Variants in CMTM3 observed in about 807,000 individuals in gnomAD.
The protein encoded by CMTM3 is CKLF-like MARVEL transmembrane domain-containing protein 3.
CMTM3 carries 7 observed loss-of-function variants against 18.2 expected under a neutral mutation model. The observed-to-expected ratio is 0.38, with a 90% CI of 0.22 to 0.72. CMTM3 has a LOEUF of 0.72. CMTM3 is among the 30% of genes least tolerant of loss of function. CMTM3 has a pLI of 0.46. For missense variants in CMTM3, 227 were observed against 249.2 expected (o/e 0.91, Z 0.60); for synonymous variants, 109 against 111.2 (o/e 0.98, Z 0.12).
In CMTM3 at chr16:66,609,900, T is replaced by C; in HGVS notation, c.417T>C (p.Ala139=). 1.9e-6 allele frequency: 3 copies of C among 1,614,184 alleles called. No homozygotes were observed. The highest frequency in any genetic ancestry group is 1.7e-6 in the Non-Finnish European group (2 of 1,180,028). The part of the protein sequence containing the change: ...SKAAGVFGFF[A]TIVFATDFYL... ...GTCCACAGGTGTTTGGCTTCTTTGC[T>C]ACCATCGTGTTTGCAACTGATTTCT... The change falls in exon 4 of 5, where the codon GCT becomes GCC. Residue 139 remains alanine, a synonymous_variant. Coordinates refer to ENST00000567572, the MANE Select transcript of CMTM3 (RefSeq NM_181553.4). The surrounding 1 kb of genome is among the most constrained non-coding windows in gnomAD (Gnocchi z 4.4).
Position 66,609,399 on chromosome 16 carries a change from C to T in CMTM3, c.304-36C>T. The T allele has an allele frequency of 3.2e-6, 5 of 1,586,480 alleles. No homozygotes were observed. The highest frequency in any genetic ancestry group is 4.3e-6 in the Non-Finnish European group (5 of 1,160,948). On this transcript the variant is annotated intron_variant, in intron 2 of 4. Transcript: ENST00000567572. The surrounding 1 kb of genome is among the most constrained non-coding windows in gnomAD (Gnocchi z 4.4). ...CCTCCTCCCCATGCTGTGCTCAGCT[C>T]CAGGGGCTCAGGGCAGCATGCCCCT...
intron 1 of CMTM3, among the ~76,000 whole-genome samples, chr16:66,607,438 T>C (rs954794233): frequency 6.6e-6 from 1 of 152,248 alleles, no homozygotes; most frequent in Non-Finnish European, 1.5e-5. Context: ...TTATGAAAAT[T>C]TGCAAATACA....
At position 66,613,380 on chromosome 16, in the gene CMTM3, G is replaced by T; in HGVS notation, c.*743G>T. 1 of 459,074 alleles carries T rather than the reference G, an allele frequency of 2.2e-6. No homozygotes were observed. Among genetic ancestry groups the T allele is most frequent in the Non-Finnish European group, 3.9e-6 (1 of 254,368 alleles). 28.4% of individuals were successfully genotyped at this position (459,074 alleles called of 1,614,324 possible). ...GGCATCACAGTGACAGTGTCATGGG[G>T]AGCTGGGCGGGCCCAGCCAAACCCT... On this transcript the variant is annotated 3_prime_UTR_variant, in exon 5 of 5. Transcript: ENST00000567572.
At position 66,613,125 on chromosome 16, in the gene CMTM3, C is replaced by T. The variant is rs1027804555; in HGVS notation, c.*488C>T. The T allele has an allele frequency of 1.4e-5, 10 of 702,902 alleles. 1 individual carries two copies. Among genetic ancestry groups the T allele is most frequent in the South Asian group, 1.3e-4 (9 of 67,594 alleles). The allele number at this position is 702,902 out of a possible 1,614,324, so 43.5% of individuals were successfully genotyped here. On this transcript the variant is annotated 3_prime_UTR_variant, in exon 5 of 5. Transcript: ENST00000567572. ...CACCAGCCACTTTGGTGACAATGAC[C>T]CTTCCAAGAATCTTTGGTTCAAGGA...
chr16:66,607,319 T>A (rs572707712), intron 1 of CMTM3, among the ~76,000 whole-genome samples: 238 of 152,342 alleles, frequency 1.6e-3, no homozygotes, highest in Middle Eastern at 6.8e-3. Context: ...ATTCTTGTAG[T>A]TCAAGTACAG....
Position 66,609,465 on chromosome 16 carries a change from A to G in CMTM3, c.334A>G (p.Ile112Val). 6.2e-7 allele frequency: 1 copy of G among 1,613,056 alleles called. No homozygotes were observed. Among genetic ancestry groups the G allele is most frequent in the Non-Finnish European group, 8.5e-7 (1 of 1,179,644 alleles). Residue 112 changes from isoleucine (I) to valine (V), a missense_variant, in exon 3 of 5, where the codon ATC becomes GTC. Coordinates refer to ENST00000567572, the MANE Select transcript of CMTM3 (RefSeq NM_181553.4). The surrounding 1 kb of genome is among the most constrained non-coding windows in gnomAD (Gnocchi z 4.4). ...DFLRCVTAALIYFAISITAIA... is the reference protein window; with the variant it reads ...DFLRCVTAALVYFAISITAIA... ...CCTGCGCTGTGTCACCGCGGCCCTC[A>G]TCTACTTTGCTATCTCCATCACGGC...
At position 66,609,798 on chromosome 16, in the gene CMTM3, T is replaced by A. The variant is rs1165387819; in HGVS notation, c.400-85T>A. On this transcript the variant is annotated intron_variant, in intron 3 of 4. Transcript: ENST00000567572. The surrounding 1 kb of genome is among the most constrained non-coding windows in gnomAD (Gnocchi z 4.4). ...CACTCGGGCTGTTTGTCCAAGCAGA[T>A]CTGAAATGGGCCGTGAGGCTGGGGC... The A allele has an allele frequency of 4.3e-6, 7 of 1,613,500 alleles. No homozygotes were observed. The highest frequency in any genetic ancestry group is 5.1e-6 in the Non-Finnish European group (6 of 1,179,754).
Position 66,610,137 on chromosome 16 carries a change from T to C in CMTM3, c.520+134T>C. On this transcript the variant is annotated intron_variant, in intron 4 of 4. Transcript: ENST00000567572. This position sits in a 1 kb window ranked among gnomAD's most constrained non-coding sequence, Gnocchi z 4.6. ...GGCAGGAAGTGTTTTCACAGCCCAT[T>C]CTCACCTACCCTCATGCAGCACTGA... is the stretch of plus-strand genomic sequence containing the variant. 8.9e-7 allele frequency: 1 copy of C among 1,120,654 alleles called. No individual in the cohort carries two copies. Among genetic ancestry groups the C allele is most frequent in the Non-Finnish European group, 1.3e-6 (1 of 775,726 alleles). The allele number at this position is 1,120,654 out of a possible 1,614,324, so 69.4% of individuals were successfully genotyped here.
At chr16:66,606,011 A>C (rs1051992749) in intron 1 of CMTM3, among the ~76,000 whole-genome samples, 1 of 152,004 alleles carries the variant, frequency 6.6e-6, no homozygotes, top group African/African-American at 2.4e-5. Context: ...CACCGTCCCC[A>C]GAGTGGCTTG....
rs1250273975 is a variant in CMTM3, at chr16:66,605,634, G to C, written c.147+682G>C. 2 of 154,194 alleles carry C rather than the reference G, an allele frequency of 1.3e-5. No individual in the cohort carries two copies. The highest frequency in any genetic ancestry group is 2.9e-5 in the Non-Finnish European group (2 of 69,652). The allele number at this position is 154,194 out of a possible 1,614,324, so 9.6% of individuals were successfully genotyped here. A position where few individuals can be genotyped will look rare whatever the true frequency, so the allele number is the denominator to read the frequency against. On this transcript the variant is annotated intron_variant, in intron 1 of 4. Transcript: ENST00000567572. This position sits in a 1 kb window ranked among gnomAD's most constrained non-coding sequence, Gnocchi z 4.6. ...CCGGGCCGGAGACCGGGGGAGGCGGGAGGAGAGAGCGGCGCACGGCGGCGG... is the reference window on the plus strand; with the variant it reads ...CCGGGCCGGAGACCGGGGGAGGCGGCAGGAGAGAGCGGCGCACGGCGGCGG...
rs1163504572 is a variant in CMTM3 at position 66,605,657 on chromosome 16, C to A, written c.147+705C>A. ...GGGAGGAGAGAGCGGCGCACGGCGG[C>A]GGCCACTTGTTGCTTAGATCCCAGG... On this transcript the variant is annotated intron_variant, in intron 1 of 4. Coordinates refer to ENST00000567572, the MANE Select transcript of CMTM3 (RefSeq NM_181553.4). The surrounding 1 kb of genome is among the most constrained non-coding windows in gnomAD (Gnocchi z 4.6). 6.5e-6 allele frequency: 1 copy of A among 153,426 alleles called. No homozygotes were observed. Among genetic ancestry groups the A allele is most frequent in the Non-Finnish European group, 1.4e-5 (1 of 68,998 alleles). 9.5% of individuals were successfully genotyped at this position (153,426 alleles called of 1,614,324 possible). A position where few individuals can be genotyped will look rare whatever the true frequency, so the allele number is the denominator to read the frequency against.
At position 66,609,756 on chromosome 16, in the gene CMTM3, CAG is replaced by C. The variant is rs1245204156; in HGVS notation, c.400-126_400-125del. The C allele has an allele frequency of 6.3e-7, 1 of 1,593,350 alleles. No individual in the cohort carries two copies. The highest frequency in any genetic ancestry group is 8.5e-7 in the Non-Finnish European group (1 of 1,170,136). On this transcript the variant is annotated intron_variant, in intron 3 of 4. Coordinates refer to ENST00000567572, the MANE Select transcript of CMTM3 (RefSeq NM_181553.4). This position sits in a 1 kb window ranked among gnomAD's most constrained non-coding sequence, Gnocchi z 4.4. ...CTCATTTTCCCACTTCCGTTACTCA[CAG>C]GGGTCTGTGCCTGACACTCGGGCTG...
intron 1 of CMTM3, among the ~76,000 whole-genome samples, chr16:66,606,425 G>A (rs540746350): frequency 1.2e-4 from 18 of 152,250 alleles, no homozygotes; most frequent in East Asian, 3.9e-4. Flanking sequence ...CTCCCAGCCC[G>A]TCTCTATGCC....
rs1251214491 is a variant in CMTM3 at position 66,612,187 on chromosome 16, G to A, written c.521-422G>A. On this transcript the variant is annotated intron_variant, in intron 4 of 4. Transcript: ENST00000567572. This position sits in a 1 kb window ranked among gnomAD's most constrained non-coding sequence, Gnocchi z 6.0. ...CCCAGCACTTTGGGAGGCTGAGGTG[G>A]GTAGATCACCTGAGGTCAGGAGTTC... Among the ~76,000 whole-genome samples, 1 of 152,148 alleles carries A rather than the reference G, an allele frequency of 6.6e-6. No homozygotes were observed. The highest frequency in any genetic ancestry group is 1.5e-5 in the Non-Finnish European group (1 of 68,006).
At chr16:66,606,670 C>T (rs1472794476) in intron 1 of CMTM3, among the ~76,000 whole-genome samples, 1 of 152,148 alleles carries the variant, frequency 6.6e-6, no homozygotes, top group African/African-American at 2.4e-5. Flanking sequence ...AGATGGCCTC[C>T]CCAACACCCA....
At position 66,612,217 on chromosome 16, in the gene CMTM3, C is replaced by T. The variant is rs887594515; in HGVS notation, c.521-392C>T. ...ATCACCTGAGGTCAGGAGTTCAAGA[C>T]CAGCCTGGTGAAAGCCCATCTCTAC... On this transcript the variant is annotated intron_variant, in intron 4 of 4. Coordinates refer to ENST00000567572, the MANE Select transcript of CMTM3 (RefSeq NM_181553.4). This position sits in a 1 kb window ranked among gnomAD's most constrained non-coding sequence, Gnocchi z 6.0. 2.6e-5 allele frequency among the ~76,000 whole-genome samples: 4 copies of T among 152,120 alleles called. No individual in the cohort carries two copies. The highest frequency in any genetic ancestry group is 2.0e-4 in the Admixed American group (3 of 15,286).
Position 66,611,455 on chromosome 16 carries a change from A to C in CMTM3, c.521-1154A>C, listed in dbSNP as rs115935985. Among the ~76,000 whole-genome samples, 894 of 151,720 alleles carry C rather than the reference A, an allele frequency of 5.9e-3. 12 individuals are homozygous for C. Among genetic ancestry groups the C allele is most frequent in the African/African-American group, 0.021 (864 of 41,364 alleles). On this transcript the variant is annotated intron_variant, in intron 4 of 4. Coordinates refer to ENST00000567572, the MANE Select transcript of CMTM3 (RefSeq NM_181553.4). ...CAGAGTGAGACTCCATCTCGGGGGGAAAAAATTGAATATAGCAAAACCCAC... is the reference window on the plus strand; with the variant it reads ...CAGAGTGAGACTCCATCTCGGGGGGCAAAAATTGAATATAGCAAAACCCAC...
rs558128124 is a variant in CMTM3, at chr16:66,608,653, T to C, written c.303+189T>C. ...TACTCAGCAGCCCTGTGACCTCAAGTGGGCTGTGGTGCCTCTAGAGCAGGT... is the reference window on the plus strand; with the variant it reads ...TACTCAGCAGCCCTGTGACCTCAAGCGGGCTGTGGTGCCTCTAGAGCAGGT... On this transcript the variant is annotated intron_variant, in intron 2 of 4. Transcript: ENST00000567572. This position sits in a 1 kb window ranked among gnomAD's most constrained non-coding sequence, Gnocchi z 5.1. Among the ~76,000 whole-genome samples the C allele has an allele frequency of 2.0e-5, 3 of 152,140 alleles. No individual in the cohort carries two copies. Among genetic ancestry groups the C allele is most frequent in the Admixed American group, 1.3e-4 (2 of 15,280 alleles).
chr16:66,604,696 C>A (rs1191672163), upstream of CMTM3: 4 of 867,588 alleles, frequency 4.6e-6, no homozygotes, highest in Non-Finnish European at 3.0e-6. Flanking sequence ...TGCGCCCCTG[C>A]GCGAGCCAGT....
Sources: allele counts gnomAD v4.1 joint callset (sites outside exome capture counted in the v4.1 genomes callset), GRCh38; gene constraint gnomAD v4.1.1; non-coding constraint Gnocchi (gnomAD v3.1); transcripts MANE v1.5; gene names NCBI Gene and HGNC (gene_info 2026-07-23, HGNC 2026-07-21).